KALRN: variants seen among roughly 807,000 people sequenced by gnomAD.
KALRN encodes the protein kalirin.
In KALRN, 70 loss-of-function variants were observed where a neutral mutation model predicts 353.7. The observed-to-expected ratio is 0.20, with a 90% confidence interval of 0.16 to 0.24. KALRN has a LOEUF of 0.24. KALRN is among the 10% of genes least tolerant of loss of function. The pLI is 1.00. For synonymous variants in KALRN, 1,391 were observed against 1,434.8 expected, an observed-to-expected ratio of 0.97 and a Z score of 0.69; for missense variants, 2,791 against 3,756.7, an observed-to-expected ratio of 0.74 and a Z score of 6.72.
At chr3:124,184,693 G>T (rs943701482) in intron 1 of KALRN, among the ~76,000 whole-genome samples, 1 of 152,154 alleles carries the variant, frequency 6.6e-6, no homozygotes, top group African/African-American at 2.4e-5. Flanking sequence ...TTTATATTCC[G>T]GTTCTTTTAT....
At chr3:124,553,018 G>A (rs1415176539) in intron 33 of KALRN, among the ~76,000 whole-genome samples, 5 of 152,100 alleles carry the variant, frequency 3.3e-5, no homozygotes, top group Admixed American at 6.6e-5. Context: ...TGCCTACCTC[G>A]GCCTCCTGAT....
intron 33 of KALRN, among the ~76,000 whole-genome samples, chr3:124,556,501 C>A (rs575825638): frequency 4.6e-5 from 7 of 152,046 alleles, no homozygotes; most frequent in African/African-American, 1.7e-4. Flanking sequence ...TATAGTAGGG[C>A]GAGGACAGAA....
chr3:124,562,498 A>G (rs918312589), intron 33 of KALRN, among the ~76,000 whole-genome samples: 1 of 152,184 alleles, frequency 6.6e-6, no homozygotes, highest in African/African-American at 2.4e-5. Context: ...AATTAGCTGA[A>G]GCTTGGCAAA....
At chr3:124,114,964 G>A (rs554049300) in intron 1 of KALRN, among the ~76,000 whole-genome samples, 1 of 152,320 alleles carries the variant, frequency 6.6e-6, no homozygotes, top group Admixed American at 6.5e-5. Context: ...GAACAAGAGA[G>A]GCAGAATCTT....
intron 57 of KALRN, among the ~76,000 whole-genome samples, chr3:124,708,495 T>C (rs73195590): frequency 6.6e-6 from 1 of 152,302 alleles, no homozygotes; most frequent in Non-Finnish European, 1.5e-5. Context: ...TTTTTAAATT[T>C]ACAGCATGGA....
intron 34 of KALRN, among the ~76,000 whole-genome samples, chr3:124,587,039 C>T (rs2075265455): frequency 6.6e-6 from 1 of 152,252 alleles, no homozygotes; most frequent in South Asian, 2.1e-4. Context: ...GCCCAGAGTC[C>T]GTGGACTCTT....
intron 50 of KALRN, among the ~76,000 whole-genome samples, chr3:124,679,157 C>G (rs2087519466): frequency 6.6e-6 from 1 of 152,226 alleles, no homozygotes; most frequent in African/African-American, 2.4e-5. Flanking sequence ...TCACTCTCAT[C>G]TGGGAAGTCC....
chr3:124,302,032 A>G (rs2077307872), intron 6 of KALRN, among the ~76,000 whole-genome samples: 1 of 152,250 alleles, frequency 6.6e-6, no homozygotes. Context: ...TCTTCAGAGA[A>G]ATGTATGCAT....
At chr3:124,692,482 T>C (rs903103341) in intron 51 of KALRN, among the ~76,000 whole-genome samples, 1 of 152,234 alleles carries the variant, frequency 6.6e-6, no homozygotes, top group African/African-American at 2.4e-5. Context: ...AAGATATGCA[T>C]ACATACAGGG....
At chr3:124,456,755 C>G in intron 23 of KALRN, 27 bp downstream of exon 23, 1 of 1,541,290 alleles carries the variant, frequency 6.5e-7, no homozygotes, top group Non-Finnish European at 8.9e-7. Context: ...GCCCAGCTAG[C>G]TGGCTCCCCG....
intron 9 of KALRN, 144 bp from the exon 10 acceptor site, chr3:124,346,999 G>A: frequency 8.6e-7 from 1 of 1,166,646 alleles, no homozygotes; most frequent in Non-Finnish European, 1.2e-6. Flanking sequence ...TGGACTCACA[G>A]CAGATTGACC....
chr3:124,409,753 A>G (rs1206384029), intron 13 of KALRN, among the ~76,000 whole-genome samples: 2 of 152,224 alleles, frequency 1.3e-5, no homozygotes, highest in Non-Finnish European at 2.9e-5. Context: ...TGCCCCAGAA[A>G]GAAGGTGGGG....
chr3:124,047,501 T>C (rs2040589878), intron 1 of KALRN, among the ~76,000 whole-genome samples: 1 of 149,420 alleles, frequency 6.7e-6, no homozygotes, highest in African/African-American at 2.5e-5. Context: ...CTTTTTTTTT[T>C]TTTTTTTTTG....
intron 24 of KALRN, 146 bp from the exon 25 acceptor site, chr3:124,462,376 CTT>C: frequency 1.7e-6 from 1 of 575,168 alleles, no homozygotes; most frequent in Non-Finnish European, 3.1e-6. Flanking sequence ...ATTTCTTTCT[CTT>C]ATGTTTACTT....
chr3:124,469,116 G>T (rs747950965), intron 25 of KALRN, among the ~76,000 whole-genome samples: 2 of 152,130 alleles, frequency 1.3e-5, no homozygotes, highest in Non-Finnish European at 2.9e-5. Flanking sequence ...CATTAAACTT[G>T]GTATATATCT....
chr3:124,102,457 G>A (rs1044519260), intron 1 of KALRN, among the ~76,000 whole-genome samples: 9 of 152,216 alleles, frequency 5.9e-5, no homozygotes, highest in South Asian at 2.1e-4. Context: ...ACCTGGTTCC[G>A]TTCAGAGACT....
intron 1 of KALRN, among the ~76,000 whole-genome samples, chr3:124,149,765 A>C (rs1359383823): frequency 6.6e-6 from 1 of 152,236 alleles, no homozygotes; most frequent in Non-Finnish European, 1.5e-5. Flanking sequence ...TGAAAATAAT[A>C]AGGCATTATA....
At chr3:124,539,644 A>G (rs1441581065) in intron 33 of KALRN, among the ~76,000 whole-genome samples, 1 of 152,188 alleles carries the variant, frequency 6.6e-6, no homozygotes, top group African/African-American at 2.4e-5. Context: ...GGAAAACCTG[A>G]GAGAAAGAAG....
intron 1 of KALRN, among the ~76,000 whole-genome samples, chr3:124,133,903 T>A (rs2065607263): frequency 6.6e-6 from 1 of 152,108 alleles, no homozygotes. Context: ...TGGAAACACA[T>A]CCCATGCTCA....
Sources: allele counts gnomAD v4.1 joint callset (sites outside exome capture counted in the v4.1 genomes callset), GRCh38; gene constraint gnomAD v4.1.1; transcripts MANE v1.5; gene names NCBI Gene and HGNC (gene_info 2026-07-23, HGNC 2026-07-21).